IL3RA: variants seen among roughly 807,000 people sequenced by gnomAD.
The protein encoded by IL3RA is interleukin-3 receptor subunit alpha.
Under a neutral mutation model 52.3 loss-of-function variants are expected in IL3RA, and 73 were observed. That is an observed-to-expected ratio of 1.40 (90% CI 1.16 to 1.70). The LOEUF (loss-of-function observed/expected upper bound fraction) is 1.70, where lower values mean the gene tolerates loss of function less well. Ranked by LOEUF, IL3RA falls within the 40% of genes most tolerant of loss-of-function variation. IL3RA has a pLI of 0.00. For missense variants in IL3RA, 664 were observed against 504.4 expected (o/e 1.32, Z -3.03); for synonymous variants, 260 against 194.0 (o/e 1.34, Z -2.83).
intron 3 of IL3RA, among the ~76,000 whole-genome samples, chrX:1,347,612 C>T (rs1326965195): frequency 1.3e-5 from 2 of 151,014 alleles, no homozygotes; most frequent in Admixed American, 6.6e-5. Context: ...GGAGTGAGGC[C>T]CTGTCTTAAC....
rs763105534 is a variant in IL3RA at position 1,352,057 on chromosome X, G to A, written c.299-43G>A. 2.0e-5 allele frequency: 32 copies of A among 1,606,062 alleles called. 1 individual carries two copies. The South Asian group carries it at 2.0e-4, about 10-fold the overall frequency. On this transcript the variant is annotated intron_variant, in intron 4 of 11. Coordinates refer to ENST00000331035, the MANE Select transcript of IL3RA (RefSeq NM_002183.4). ...TGGGGTGACAGGCGTGAGCCACCGC[G>A]CCCGGTCCCGATTCGAGTTCTCTTT...
At chrX:1,350,682 G>A (rs9780621) in intron 4 of IL3RA, among the ~76,000 whole-genome samples, 91,639 of 119,730 alleles carry the variant, frequency 0.77, 36,732 homozygotes, top group Middle Eastern at 0.84. Flanking sequence ...TGGGTGGATC[G>A]CGAGGTCAGG....
chrX:1,338,515 G>A (rs1326660042), intron 1 of IL3RA, among the ~76,000 whole-genome samples: 1 of 152,206 alleles, frequency 6.6e-6, no homozygotes, highest in Admixed American at 6.6e-5. Flanking sequence ...ATATAATGTG[G>A]TCCAGCCACA....
chrX:1,353,956 T>G lies in IL3RA; in HGVS notation c.616+1450T>G, dbSNP rs866603543. Among the ~76,000 whole-genome samples, 5 of 44,526 alleles carry G rather than the reference T, an allele frequency of 1.1e-4. 1 individual carries two copies. Among genetic ancestry groups the G allele is most frequent in the African/African-American group, 4.6e-4 (5 of 10,916 alleles). The allele number at this position is 44,526 out of a possible 152,430, so 29.2% of individuals were successfully genotyped here. A position where few individuals can be genotyped will look rare whatever the true frequency, so the allele number is the denominator to read the frequency against. On this transcript the variant is annotated intron_variant, in intron 6 of 11. Transcript: ENST00000331035. ...ATGGGTCATGGGACCCCCCCCCCCATCATGGGTCGTGGGACCCCCACCCCC... is the reference window on the plus strand; with the variant it reads ...ATGGGTCATGGGACCCCCCCCCCCAGCATGGGTCGTGGGACCCCCACCCCC...
intron 6 of IL3RA, among the ~76,000 whole-genome samples, chrX:1,352,801 A>T (rs867903872): frequency 2.4e-4 from 36 of 152,272 alleles, no homozygotes; most frequent in African/African-American, 7.5e-4. Flanking sequence ...GGGTCCCATC[A>T]TGGGTCATAG....
intron 1 of IL3RA, among the ~76,000 whole-genome samples, chrX:1,340,854 C>T (rs7052162): frequency 0.086 from 13,125 of 152,006 alleles, 700 homozygotes; most frequent in African/African-American, 0.15. Context: ...CGGTGGCTGA[C>T]GCCTGTCATC....
Position 1,352,129 on chromosome X carries a change from C to G in IL3RA, c.328C>G (p.Leu110Val), listed in dbSNP as rs766258222. ...GAAGCCTTGGGCAGGTGCGGAGAAT[C>G]TGACCTGCTGGATTCATGACGTGGA... ...SGKPWAGAEN[L>V]TCWIHDVDFL... Residue 110 changes from leucine (L) to valine (V), a missense_variant, in exon 5 of 12, where the codon CTG (leucine) becomes GTG (valine). Coordinates refer to ENST00000331035, the MANE Select transcript of IL3RA (RefSeq NM_002183.4). The G allele has an allele frequency of 3.7e-6, 6 of 1,613,850 alleles. No homozygotes were observed. Among genetic ancestry groups the G allele is most frequent in the Non-Finnish European group, 5.1e-6 (6 of 1,179,822 alleles).
At chrX:1,348,152 G>T (rs111301247) in intron 3 of IL3RA, among the ~76,000 whole-genome samples, 1 of 150,526 alleles carries the variant, frequency 6.6e-6, no homozygotes, top group East Asian at 1.9e-4. Context: ...TTCGAGACCA[G>T]CCTGACCAAC....
rs1203200183 is a variant in IL3RA at position 1,348,739 on chromosome X, TTTC to T, written c.298+197_298+199del. ...TTCTTTCTTCCTTTCTTTTTCTTTC[TTTC>T]TTTCCTTCTTTCCTCTCTTTCTTTT... On this transcript the variant is annotated intron_variant, in intron 4 of 11. Transcript: ENST00000331035. Among the ~76,000 whole-genome samples, 751 of 148,696 alleles carry T rather than the reference TTTC, an allele frequency of 5.1e-3. 28 individuals carry two copies. Among genetic ancestry groups the T allele is most frequent in the African/African-American group, 0.018 (714 of 40,366 alleles).
At chrX:1,345,842 A>G (rs377088965) in intron 3 of IL3RA, among the ~76,000 whole-genome samples, 1 of 151,962 alleles carries the variant, frequency 6.6e-6, no homozygotes, top group Non-Finnish European at 1.5e-5. Flanking sequence ...CAGGAATCTC[A>G]GAACCAATAC....
intron 8 of IL3RA, among the ~76,000 whole-genome samples, chrX:1,363,271 T>A (rs1255956441): frequency 5.3e-5 from 8 of 150,658 alleles, no homozygotes; most frequent in African/African-American, 2.0e-4. Context: ...CTCATTCTTT[T>A]GTACCCATCA....
At chrX:1,346,000 G>A (rs1224427991) in intron 3 of IL3RA, among the ~76,000 whole-genome samples, 3 of 152,094 alleles carry the variant, frequency 2.0e-5, no homozygotes, top group African/African-American at 7.2e-5. Context: ...GTGAAATGAG[G>A]CTAAGCTATG....
chrX:1,348,072 C>A (rs1460009271), intron 3 of IL3RA, among the ~76,000 whole-genome samples: 1 of 143,588 alleles, frequency 7.0e-6, no homozygotes, highest in Non-Finnish European at 1.5e-5. Flanking sequence ...CTTGGCCGGG[C>A]ACGGTGGCTC....
At chrX:1,340,584 A>G (rs1409276350) in intron 1 of IL3RA, among the ~76,000 whole-genome samples, 6 of 152,220 alleles carry the variant, frequency 3.9e-5, no homozygotes, top group Non-Finnish European at 5.9e-5. Context: ...TCATGCATGT[A>G]TATTTGTGTA....
At chrX:1,359,034 G>A (rs2086957535) in intron 8 of IL3RA, 147 bp downstream of exon 8, 1 of 637,130 alleles carries the variant, frequency 1.6e-6, no homozygotes, top group Non-Finnish European at 2.2e-6. Context: ...ATTATTCAAT[G>A]TTCAGTGACT....
rs1183650245 is a variant in IL3RA, at chrX:1,356,308, A to G, written c.704A>G (p.Lys235Arg). 6.2e-7 allele frequency: 1 copy of G among 1,613,006 alleles called. No individual in the cohort carries two copies. The highest frequency in any genetic ancestry group is 8.5e-7 in the Non-Finnish European group (1 of 1,179,200). The part of the protein sequence containing the change: ...HWKMRSHFNR[K>R]FRYELQIQKR... The stretch of plus-strand genomic sequence containing the variant: ...AAAATGAGAAGTCATTTCAATCGCA[A>G]ATTTCGCTATGAGCTTCAGATACAA... Residue 235 changes from lysine to arginine, a missense_variant, in exon 7 of 12, where the codon AAA becomes AGA. By Grantham distance (26) the Lys-to-Arg change is conservative (BLOSUM62 2). Coordinates refer to ENST00000331035, the MANE Select transcript of IL3RA (RefSeq NM_002183.4).
chrX:1,368,480 G>C (rs1290309835), intron 9 of IL3RA, among the ~76,000 whole-genome samples: 1 of 152,130 alleles, frequency 6.6e-6, no homozygotes, highest in Non-Finnish European at 1.5e-5. Context: ...CAGCTACCAG[G>C]GAGGCTGAGG....
At chrX:1,361,854 G>A (rs1467190365) in intron 8 of IL3RA, among the ~76,000 whole-genome samples, 2 of 149,374 alleles carry the variant, frequency 1.3e-5, no homozygotes, top group African/African-American at 5.1e-5. Context: ...AGAACAGTGT[G>A]GGGGGAAACT....
chrX:1,355,656 G>A (rs6422438), intron 6 of IL3RA, among the ~76,000 whole-genome samples: 1,745 of 142,832 alleles, frequency 0.012, 18 homozygotes, highest in Non-Finnish European at 0.02. Context: ...CCTGGGGGGC[G>A]GAGGTGGGGG....
Sources: gnomAD v4.1 joint callset for allele counts (sites outside exome capture counted in the v4.1 genomes callset) on GRCh38, gnomAD v4.1.1 for gene constraint, MANE v1.5 for transcripts, NCBI Gene and HGNC (gene_info 2026-07-23, HGNC 2026-07-21) for gene names.